The following NEDD4L variants were observed in gnomAD, a reference collection of about 807,000 sequenced individuals.
NEDD4L encodes NEDD4 like E3 ubiquitin protein ligase, also known as E3 ubiquitin-protein ligase NEDD4-like.
A neutral mutation model predicts 148.9 loss-of-function variants in NEDD4L; 54 were observed. That is an observed-to-expected ratio of 0.36 (90% CI 0.29 to 0.45). The LOEUF (loss-of-function observed/expected upper bound fraction) is 0.45, where lower values mean the gene tolerates loss of function less well. Among genes scored for constraint, NEDD4L ranks in the 20% least tolerant of loss-of-function variants. The probability of loss-of-function intolerance (pLI) is 1.00; values close to 1 mark genes in which losing one functional copy is unlikely to be tolerated. For missense variants in NEDD4L, 856 were observed against 1,233.8 expected, an observed-to-expected ratio of 0.69 and a Z score of 4.59; for synonymous variants, 433 against 440.7, an observed-to-expected ratio of 0.98 and a Z score of 0.22.
chr18:58,116,469 A>T (rs151149976), intron 1 of NEDD4L, among the ~76,000 whole-genome samples: 101 of 152,312 alleles, frequency 6.6e-4, no homozygotes, highest in African/African-American at 2.4e-3. Context: ...CCTGGGTCTT[A>T]GGAATTTGCA....
intron 1 of NEDD4L, among the ~76,000 whole-genome samples, chr18:58,067,534 G>A (rs1166483843): frequency 6.6e-6 from 1 of 152,160 alleles, no homozygotes; most frequent in Non-Finnish European, 1.5e-5. Flanking sequence ...TGGGGGGCCT[G>A]CGAGGACACA....
chr18:58,376,847 C>A (rs2047625739), intron 24 of NEDD4L, among the ~76,000 whole-genome samples: 1 of 152,228 alleles, frequency 6.6e-6, no homozygotes, highest in South Asian at 2.1e-4. Context: ...CTGTGAATCA[C>A]AGGCCCCACT....
At chr18:58,290,865 G>T (rs1020419205) in intron 5 of NEDD4L, among the ~76,000 whole-genome samples, 3 of 152,114 alleles carry the variant, frequency 2.0e-5, no homozygotes, top group African/African-American at 7.2e-5. Context: ...TGGTGTGATG[G>T]TCATTGAAAA....
intron 1 of NEDD4L, among the ~76,000 whole-genome samples, chr18:58,141,193 C>T (rs1245329266): frequency 6.6e-6 from 1 of 152,182 alleles, no homozygotes; most frequent in Admixed American, 6.5e-5. Flanking sequence ...AGAGCTCCCT[C>T]CTTACTGGTG....
intron 1 of NEDD4L, among the ~76,000 whole-genome samples, chr18:58,062,486 T>C (rs1002881617): frequency 4.6e-5 from 7 of 152,194 alleles, no homozygotes; most frequent in African/African-American, 1.7e-4. Context: ...GTTTTAATTA[T>C]GGCACAGATT....
At chr18:58,214,686 G>A (rs487990) in intron 2 of NEDD4L, among the ~76,000 whole-genome samples, 45,645 of 149,590 alleles carry the variant, frequency 0.31, 7,306 homozygotes, top group East Asian at 0.47. Context: ...TGCTGGAAAT[G>A]ATAGATTGCA....
intron 2 of NEDD4L, among the ~76,000 whole-genome samples, chr18:58,198,031 G>A (rs1172424959): frequency 6.6e-6 from 1 of 152,048 alleles, no homozygotes; most frequent in Admixed American, 6.5e-5. Context: ...TTTCTGCTCA[G>A]ACACCCCTTG....
chr18:58,366,940 G>T lies in NEDD4L; in HGVS notation c.2063+712G>T, dbSNP rs187682616. Among the ~76,000 whole-genome samples the T allele has an allele frequency of 2.4e-4, 36 of 152,346 alleles. No homozygotes were observed. The highest frequency in any genetic ancestry group is 4.6e-4 in the Non-Finnish European group (31 of 68,030). On this transcript the variant is annotated intron_variant, in intron 21 of 30. Transcript: ENST00000400345. The surrounding 1 kb of genome is among the most constrained non-coding windows in gnomAD (Gnocchi z 4.2). Reference sequence around the variant, plus strand: ...CCCACCTGGTACCAGTCTCCTGGGGGCTCATTTGGAAGGCCGCCTCAGTAC... The same window carrying T: ...CCCACCTGGTACCAGTCTCCTGGGGTCTCATTTGGAAGGCCGCCTCAGTAC...
intron 2 of NEDD4L, among the ~76,000 whole-genome samples, chr18:58,174,255 G>C (rs369853521): frequency 4.6e-5 from 7 of 151,986 alleles, no homozygotes; most frequent in African/African-American, 7.3e-5. Context: ...AATAGGGGAG[G>C]GGCAGGCTGC....
intron 1 of NEDD4L, among the ~76,000 whole-genome samples, chr18:58,096,122 C>T (rs2084377252): frequency 6.6e-6 from 1 of 152,042 alleles, no homozygotes; most frequent in African/African-American, 2.4e-5. Context: ...CATGGTTTTC[C>T]TCATGAACTC....
chr18:58,292,237 C>T (rs1301298386), intron 5 of NEDD4L, among the ~76,000 whole-genome samples: 1 of 152,112 alleles, frequency 6.6e-6, no homozygotes, highest in East Asian at 1.9e-4. Context: ...CTTGGAGGCA[C>T]TGACCCTGAG....
chr18:58,092,427 C>T (rs796622623), intron 1 of NEDD4L, among the ~76,000 whole-genome samples: 2 of 152,220 alleles, frequency 1.3e-5, no homozygotes, highest in African/African-American at 4.8e-5. Context: ...TTCTCGGGCA[C>T]AGTATGCCAA....
At chr18:58,216,544 G>T (rs2043173156) in intron 2 of NEDD4L, among the ~76,000 whole-genome samples, 2 of 152,200 alleles carry the variant, frequency 1.3e-5, no homozygotes, top group South Asian at 4.1e-4. Context: ...GATGGTGGGA[G>T]ATTAAATTTG....
At chr18:58,080,317 T>A (rs532902445) in intron 1 of NEDD4L, among the ~76,000 whole-genome samples, 2 of 152,380 alleles carry the variant, frequency 1.3e-5, no homozygotes, top group South Asian at 2.1e-4. Flanking sequence ...CGTCTCTTAC[T>A]CAGGTTTCAG....
At chr18:58,255,315 TAAAAAA>T (rs10541382) in intron 5 of NEDD4L, 1 of 184,776 alleles carries the variant, frequency 5.4e-6, no homozygotes, top group East Asian at 1.3e-4. Flanking sequence ...TCTTGCTGTT[TAAAAAA>T]AAAAAAAAAG....
intron 13 of NEDD4L, among the ~76,000 whole-genome samples, chr18:58,338,368 A>G (rs973329361): frequency 4.6e-5 from 7 of 152,210 alleles, no homozygotes; most frequent in African/African-American, 1.7e-4. Flanking sequence ...CCCCTCAACT[A>G]GCCGTGCAGG....
At chr18:58,169,833 C>T (rs965804453) in intron 2 of NEDD4L, among the ~76,000 whole-genome samples, 1 of 152,194 alleles carries the variant, frequency 6.6e-6, no homozygotes, top group African/African-American at 2.4e-5. Flanking sequence ...GGCTGCTGCT[C>T]TGTCCCCCAG....
At chr18:58,112,890 G>A (rs2085507392) in intron 1 of NEDD4L, among the ~76,000 whole-genome samples, 1 of 152,200 alleles carries the variant, frequency 6.6e-6, no homozygotes, top group Non-Finnish European at 1.5e-5. Context: ...TAGGAGGTGG[G>A]GCCTTTGGGA....
At chr18:58,096,421 T>C (rs1185501208) in intron 1 of NEDD4L, among the ~76,000 whole-genome samples, 1 of 141,362 alleles carries the variant, frequency 7.1e-6, no homozygotes, top group Non-Finnish European at 1.5e-5. Context: ...ATTTTATTTA[T>C]TTGACAGAGT....
Sources: allele counts gnomAD v4.1 joint callset (sites outside exome capture counted in the v4.1 genomes callset), GRCh38; gene constraint gnomAD v4.1.1; non-coding constraint Gnocchi (gnomAD v3.1); transcripts MANE v1.5; gene names NCBI Gene and HGNC (gene_info 2026-07-23, HGNC 2026-07-21).